The following SOX6 variants were observed in gnomAD, a reference collection of about 807,000 sequenced individuals.
SOX6 encodes the protein transcription factor SOX-6.
SOX6 carries 11 observed loss-of-function variants against 97.8 expected under a neutral mutation model. That is an observed-to-expected ratio of 0.11 (90% confidence interval 0.07 to 0.19). The LOEUF (loss-of-function observed/expected upper bound fraction) is 0.19, where lower values mean the gene tolerates loss of function less well. Ranked by LOEUF, SOX6 falls within the 10% of genes least tolerant of loss-of-function variation. The pLI, the probability that SOX6 is intolerant of heterozygous loss-of-function variation, is 1.00. For missense variants in SOX6, 810 were observed against 1,039.5 expected, an observed-to-expected ratio of 0.78 and a Z score of 3.04; for synonymous variants, 360 against 371.4, an observed-to-expected ratio of 0.97 and a Z score of 0.35.
intron 4 of SOX6, among the ~76,000 whole-genome samples, chr11:16,204,458 T>C (rs1283544088): frequency 1.3e-5 from 2 of 152,068 alleles, no homozygotes; most frequent in Non-Finnish European, 2.9e-5. Context: ...TATGTGTATA[T>C]CTATACAGTT....
At chr11:16,145,687 A>G (rs1164648427) in intron 6 of SOX6, among the ~76,000 whole-genome samples, 4 of 152,208 alleles carry the variant, frequency 2.6e-5, no homozygotes, top group East Asian at 1.9e-4. Flanking sequence ...AAAAATCACA[A>G]GCATTCTCAT....
At chr11:16,178,128 A>T (rs979541252) in intron 6 of SOX6, among the ~76,000 whole-genome samples, 32 of 151,948 alleles carry the variant, frequency 2.1e-4, no homozygotes, top group Non-Finnish European at 4.4e-4. Context: ...TCCATTGAGT[A>T]GCTCTTGGGA....
chr11:16,134,592 T>C (rs1415341847), intron 6 of SOX6, among the ~76,000 whole-genome samples: 1 of 152,234 alleles, frequency 6.6e-6, no homozygotes, highest in African/African-American at 2.4e-5. Flanking sequence ...GTGTTACCTT[T>C]TGGTAATTCT....
At position 15,989,123 on chromosome 11, in the gene SOX6, G is replaced by A. The variant is rs955619019; in HGVS notation, c.1840C>T (p.Arg614Cys). The A allele has an allele frequency of 3.1e-6, 5 of 1,614,030 alleles. No individual in the cohort carries two copies. Among genetic ancestry groups the A allele is most frequent in the South Asian group, 1.1e-5 (1 of 91,090 alleles). ...EARVYRDARG[R>C]ASSEPHIKRP... ...TTAATGTGTGGCTCGCTGCTGGCAC[G>A]GCCGCGGGCGTCCCTGTAGACTCGT... Residue 614 changes from arginine to cysteine, a missense_variant, in exon 14 of 16, where the codon CGT becomes TGT. Physicochemically the swap from Arg to Cys is radical, Grantham distance 180. Coordinates refer to ENST00000683767, the MANE Select transcript of SOX6 (RefSeq NM_001367873.1).
At chr11:16,614,861 G>A (rs72861216) in intron 3 of SOX6, among the ~76,000 whole-genome samples, 2,855 of 152,226 alleles carry the variant, frequency 0.019, 38 homozygotes, top group Non-Finnish European at 0.03. Context: ...GGGACACTAG[G>A]GAACTATTTT....
chr11:16,265,033 A>C (rs932191866), intron 3 of SOX6, among the ~76,000 whole-genome samples: 6 of 151,854 alleles, frequency 4.0e-5, no homozygotes, highest in African/African-American at 1.4e-4. Context: ...AACTCAGGTA[A>C]AGCCTATTTT....
intron 1 of SOX6, among the ~76,000 whole-genome samples, chr11:16,475,172 T>A (rs1860210797): frequency 6.6e-6 from 1 of 152,214 alleles, no homozygotes; most frequent in Non-Finnish European, 1.5e-5. Flanking sequence ...TGGTCTTCTA[T>A]CCAGACTGCT....
intron 1 of SOX6, among the ~76,000 whole-genome samples, chr11:16,445,621 G>C (rs1324804195): frequency 6.6e-6 from 1 of 152,016 alleles, no homozygotes; most frequent in Non-Finnish European, 1.5e-5. Flanking sequence ...ATATTTTTGT[G>C]CAATACTTTT....
At chr11:16,111,224 C>T (rs1465603359) in intron 7 of SOX6, among the ~76,000 whole-genome samples, 1 of 152,198 alleles carries the variant, frequency 6.6e-6, no homozygotes, top group Non-Finnish European at 1.5e-5. Flanking sequence ...AAAATCACAA[C>T]ATTTGCTAAA....
chr11:16,479,177 T>G (rs1341717041), upstream of SOX6, among the ~76,000 whole-genome samples: 2 of 152,224 alleles, frequency 1.3e-5, no homozygotes, highest in African/African-American at 4.8e-5. Context: ...TCATCAAGTC[T>G]TTGATATATT....
At chr11:16,030,836 A>G (rs1042035940) in intron 12 of SOX6, among the ~76,000 whole-genome samples, 3 of 152,130 alleles carry the variant, frequency 2.0e-5, no homozygotes, top group African/African-American at 7.2e-5. Flanking sequence ...TATGGAAAAA[A>G]AAGTGATGAC....
chr11:16,681,629 T>C (rs527641974), intron 3 of SOX6, among the ~76,000 whole-genome samples: 4 of 150,256 alleles, frequency 2.7e-5, no homozygotes, highest in African/African-American at 7.3e-5. Flanking sequence ...CTGAAGGAGA[T>C]AGAGACACAA....
chr11:16,401,794 C>T lies in SOX6; in HGVS notation c.-4-60542G>A, dbSNP rs185282683. ...GTTGGCTAGAACAAGAAAACAAAGA[C>T]CAAGGATTAAAAGAGAATTTGAAAA... On this transcript the variant is annotated intron_variant, in intron 1 of 15. Transcript: ENST00000396356. Among the ~76,000 whole-genome samples the T allele has an allele frequency of 2.6e-3, 398 of 151,370 alleles. 3 individuals carry two copies. Among genetic ancestry groups the T allele is most frequent in the African/African-American group, 9.1e-3 (376 of 41,412 alleles).
At chr11:16,360,961 C>G (rs754914225), upstream of SOX6, among the ~76,000 whole-genome samples, 37 of 151,750 alleles carry the variant, frequency 2.4e-4, no homozygotes, top group Admixed American at 1.1e-3. Flanking sequence ...CAAAATCACA[C>G]CACTGCACTC....
At chr11:16,283,001 G>A (rs1231307153) in intron 3 of SOX6, among the ~76,000 whole-genome samples, 1 of 128,054 alleles carries the variant, frequency 7.8e-6, no homozygotes, top group Non-Finnish European at 1.6e-5. Flanking sequence ...GAGAGAAAGG[G>A]AGCCCTATGA....
chr11:16,402,460 C>T (rs185936628), intron 1 of SOX6, among the ~76,000 whole-genome samples: 371 of 151,692 alleles, frequency 2.4e-3, no homozygotes, highest in Non-Finnish European at 4.0e-3. Flanking sequence ...ATTGGTCCTT[C>T]TGGGAGTTCA....
Position 15,972,663 on chromosome 11 carries a change from T to G in SOX6, c.*146A>C. ...AGTTCATGAAAAATCAGGGAAAACT[T>G]AATCTGTCTCACACTTTACGAAACA... On this transcript the variant is annotated 3_prime_UTR_variant, in exon 16 of 16. Transcript: ENST00000683767. 1 of 828,796 alleles carries G rather than the reference T, an allele frequency of 1.2e-6. No individual in the cohort carries two copies. 51.3% of individuals were successfully genotyped at this position (828,796 alleles called of 1,614,324 possible).
intron 3 of SOX6, among the ~76,000 whole-genome samples, chr11:16,248,238 T>G (rs1853398909): frequency 6.6e-6 from 1 of 152,158 alleles, no homozygotes; most frequent in Non-Finnish European, 1.5e-5. Flanking sequence ...TGGCTGGCAT[T>G]GAGTGTCTGT....
chr11:16,714,382 AAG>A (rs761804347), intron 3 of SOX6, among the ~76,000 whole-genome samples: 2 of 151,942 alleles, frequency 1.3e-5, no homozygotes, highest in African/African-American at 2.4e-5. Flanking sequence ...CCTCATAAAA[AAG>A]AGGTTATTAT....
Sources: allele counts gnomAD v4.1 joint callset (sites outside exome capture counted in the v4.1 genomes callset), GRCh38; gene constraint gnomAD v4.1.1; transcripts MANE v1.5; gene names NCBI Gene and HGNC (gene_info 2026-07-23, HGNC 2026-07-21).